Variants in SUPT3H observed in about 807,000 individuals in gnomAD.
SUPT3H encodes SPT3 homolog, SAGA and STAGA complex component, also known as transcription initiation protein SPT3 homolog.
SUPT3H carries 44 observed loss-of-function variants against 44.3 expected under a neutral mutation model. That is an observed-to-expected ratio of 0.99 (90% CI 0.78 to 1.28). The LOEUF (loss-of-function observed/expected upper bound fraction) is 1.28, where lower values mean the gene tolerates loss of function less well. SUPT3H is among the 50% of genes most tolerant of loss of function. SUPT3H has a pLI of 0.00. For missense variants in SUPT3H, 380 were observed against 387.1 expected, an observed-to-expected ratio of 0.98 and a Z score of 0.15; for synonymous variants, 124 against 125.6, an observed-to-expected ratio of 0.99 and a Z score of 0.09.
intron 10 of SUPT3H, among the ~76,000 whole-genome samples, chr6:44,892,822 T>C (rs1763514980): frequency 6.6e-6 from 1 of 152,164 alleles, no homozygotes; most frequent in African/African-American, 2.4e-5. Context: ...CCACAGCACA[T>C]GGCTTCATCA....
At chr6:44,919,781 C>A (rs1263520951) in intron 10 of SUPT3H, among the ~76,000 whole-genome samples, 1 of 152,188 alleles carries the variant, frequency 6.6e-6, no homozygotes, top group South Asian at 2.1e-4. Flanking sequence ...GCTCTTTTAG[C>A]CTCTCGCCTG....
chr6:44,829,882 A>C (rs772046160), intron 10 of SUPT3H, 25 bp from the exon 11 acceptor site: 1 of 1,611,936 alleles, frequency 6.2e-7, no homozygotes, highest in Non-Finnish European at 8.5e-7. Flanking sequence ...GAAATCTGCA[A>C]TGAATTATCA....
chr6:45,298,051 G>C (rs943424333), intron 2 of SUPT3H, among the ~76,000 whole-genome samples: 3 of 152,106 alleles, frequency 2.0e-5, no homozygotes, highest in African/African-American at 7.2e-5. Context: ...ATCCAAAGCT[G>C]GTAACTTTTT....
chr6:45,015,844 C>T (rs774175443), intron 4 of SUPT3H, among the ~76,000 whole-genome samples: 2 of 151,618 alleles, frequency 1.3e-5, no homozygotes, highest in Non-Finnish European at 2.9e-5. Flanking sequence ...GGGTCAGGAC[C>T]GTCAATATCA....
intron 2 of SUPT3H, among the ~76,000 whole-genome samples, chr6:45,287,312 G>A (rs1048327155): frequency 6.6e-6 from 1 of 152,032 alleles, no homozygotes; most frequent in Admixed American, 6.6e-5. Context: ...TCGGTACTCT[G>A]ATGTTCATAA....
chr6:44,814,603 G>A (rs779796580), intron 11 of SUPT3H, among the ~76,000 whole-genome samples: 51 of 152,154 alleles, frequency 3.4e-4, no homozygotes, highest in African/African-American at 1.2e-3. Context: ...GGACTTGTCC[G>A]AATCATTCTT....
chr6:44,844,172 TG>T (rs1432287003), intron 10 of SUPT3H, among the ~76,000 whole-genome samples: 2 of 152,330 alleles, frequency 1.3e-5, no homozygotes, highest in African/African-American at 4.8e-5. Flanking sequence ...TATATGATGC[TG>T]GAACAATTGG....
At chr6:45,148,551 G>A (rs1012178147) in intron 2 of SUPT3H, among the ~76,000 whole-genome samples, 7 of 152,086 alleles carry the variant, frequency 4.6e-5, no homozygotes, top group Non-Finnish European at 8.8e-5. Flanking sequence ...AAAAGCACAC[G>A]CTCAGACATT....
At chr6:45,264,146 A>T (rs1403783113) in intron 2 of SUPT3H, among the ~76,000 whole-genome samples, 1 of 152,228 alleles carries the variant, frequency 6.6e-6, no homozygotes, top group African/African-American at 2.4e-5. Context: ...AAAGAAATGA[A>T]AACACTTATT....
chr6:45,051,871 T>C (rs1761701382), intron 3 of SUPT3H, among the ~76,000 whole-genome samples: 1 of 151,878 alleles, frequency 6.6e-6, no homozygotes, highest in Non-Finnish European at 1.5e-5. Flanking sequence ...TACACAGGAG[T>C]TGCAGTCATT....
chr6:45,298,448 T>C (rs1411538741), intron 2 of SUPT3H, among the ~76,000 whole-genome samples: 3 of 152,114 alleles, frequency 2.0e-5, no homozygotes, highest in East Asian at 1.9e-4. Flanking sequence ...AAAAAAGTAA[T>C]TTACAAAAAT....
chr6:45,024,047 C>T (rs1423292098), intron 3 of SUPT3H, among the ~76,000 whole-genome samples: 1 of 152,134 alleles, frequency 6.6e-6, no homozygotes, highest in Non-Finnish European at 1.5e-5. Context: ...AAATGTTCCT[C>T]AAAACTTCAG....
At chr6:45,134,611 C>T (rs1254367365) in intron 2 of SUPT3H, among the ~76,000 whole-genome samples, 2 of 151,474 alleles carry the variant, frequency 1.3e-5, no homozygotes, top group East Asian at 3.9e-4. Flanking sequence ...ACAAGTACTG[C>T]AAAAATAAAA....
At chr6:44,876,811 A>G (rs892469057) in intron 10 of SUPT3H, among the ~76,000 whole-genome samples, 8 of 151,054 alleles carry the variant, frequency 5.3e-5, no homozygotes, top group African/African-American at 1.9e-4. Context: ...GTAAAAGCCT[A>G]CAATAAAAAT....
chr6:44,890,333 A>T (rs1233776984), intron 10 of SUPT3H, among the ~76,000 whole-genome samples: 4 of 151,586 alleles, frequency 2.6e-5, no homozygotes, highest in African/African-American at 9.7e-5. Context: ...GGCATTATTC[A>T]CAATAGCAAA....
intron 2 of SUPT3H, among the ~76,000 whole-genome samples, chr6:45,133,760 C>A (rs561541678): frequency 2.6e-5 from 4 of 152,132 alleles, no homozygotes; most frequent in Admixed American, 1.3e-4. Context: ...ACTAAAAATT[C>A]TGCTCATGTT....
chr6:45,330,344 T>A (rs1787211120), intron 2 of SUPT3H, among the ~76,000 whole-genome samples: 1 of 151,944 alleles, frequency 6.6e-6, no homozygotes, highest in African/African-American at 2.4e-5. Flanking sequence ...GTTTTGTTAC[T>A]ACTACCCAAG....
chr6:45,206,202 T>C (rs1180449675), intron 2 of SUPT3H, among the ~76,000 whole-genome samples: 1 of 152,076 alleles, frequency 6.6e-6, no homozygotes, highest in Non-Finnish European at 1.5e-5. Flanking sequence ...GAATAATATA[T>C]GAATAAATGA....
intron 2 of SUPT3H, among the ~76,000 whole-genome samples, chr6:45,304,873 A>G (rs1340982875): frequency 1.1e-4 from 17 of 152,182 alleles, no homozygotes. Flanking sequence ...AACCCACTTG[A>G]GCACTAAAAG....
Sources: gnomAD v4.1 joint callset for allele counts (sites outside exome capture counted in the v4.1 genomes callset) on GRCh38, gnomAD v4.1.1 for gene constraint, MANE v1.5 for transcripts, NCBI Gene and HGNC (gene_info 2026-07-23, HGNC 2026-07-21) for gene names.